The following CLSTN2 variants were observed in gnomAD, a reference collection of about 807,000 sequenced individuals.
The protein encoded by CLSTN2 is calsyntenin 2.
CLSTN2 carries 48 observed loss-of-function variants against 101.2 expected under a neutral mutation model. The observed-to-expected ratio is 0.47, with a 90% CI of 0.38 to 0.60. The LOEUF is 0.60. CLSTN2 is among the 20% of genes least tolerant of loss of function. The pLI, the probability that CLSTN2 is intolerant of heterozygous loss-of-function variation, is 0.00. For synonymous variants in CLSTN2, 481 were observed against 463.6 expected (o/e 1.04, Z -0.48); for missense variants, 1,160 against 1,238.2 (o/e 0.94, Z 0.95).
Position 140,130,201 on chromosome 3 carries a change from C to T in CLSTN2, c.110-45750C>T, listed in dbSNP as rs142378126. 6.4e-3 allele frequency among the ~76,000 whole-genome samples: 969 copies of T among 152,236 alleles called. 6 individuals carry two copies. The highest frequency in any genetic ancestry group is 0.022 in the African/African-American group (911 of 41,536). On this transcript the variant is annotated intron_variant, in intron 1 of 16. Coordinates refer to ENST00000458420, the MANE Select transcript of CLSTN2 (RefSeq NM_022131.3). ...GTGAGGCTCTAGCTTCATTCTGCAC[C>T]GTGTGAATTTGGAAAGTTCCATGAC...
intron 2 of CLSTN2, among the ~76,000 whole-genome samples, chr3:140,316,167 G>C (rs1380445431): frequency 6.6e-6 from 1 of 152,160 alleles, no homozygotes; most frequent in Non-Finnish European, 1.5e-5. Flanking sequence ...GCTGGGGATA[G>C]ATAGATTAGC....
intron 1 of CLSTN2, among the ~76,000 whole-genome samples, chr3:140,047,863 C>T (rs998335642): frequency 1.3e-5 from 2 of 152,210 alleles, no homozygotes; most frequent in Non-Finnish European, 2.9e-5. Flanking sequence ...AAGGCCTCAC[C>T]TCTCAATGCT....
At chr3:140,335,708 C>T (rs1267176486) in intron 2 of CLSTN2, among the ~76,000 whole-genome samples, 2 of 152,224 alleles carry the variant, frequency 1.3e-5, no homozygotes, top group Non-Finnish European at 2.9e-5. Flanking sequence ...CAAGTACTTA[C>T]AAAGATCTTT....
intron 8 of CLSTN2, among the ~76,000 whole-genome samples, chr3:140,530,212 C>G (rs1326511763): frequency 6.6e-6 from 1 of 152,160 alleles, no homozygotes; most frequent in African/African-American, 2.4e-5. Flanking sequence ...TATTACACAG[C>G]TACTTAAAAT....
In CLSTN2 at chr3:140,533,698, G is replaced by A. The variant is rs1044058426; in HGVS notation, c.1507+1212G>A. Among the ~76,000 whole-genome samples, 15 of 131,072 alleles carry A rather than the reference G, an allele frequency of 1.1e-4. No individual in the cohort carries two copies. In the Admixed American group the frequency reaches 1.2e-3, roughly 11 times the overall value. 86.0% of individuals were successfully genotyped at this position (131,072 alleles called of 152,430 possible). A position where few individuals can be genotyped will look rare whatever the true frequency, so the allele number is the denominator to read the frequency against. ...TGCACTCCAGCCTGGGCAATGGAAC[G>A]AGACTCCATCTCAAAAAAAAAAAAA... On this transcript the variant is annotated intron_variant, in intron 9 of 16. Transcript: ENST00000458420.
rs115296381 is a variant in CLSTN2 at position 140,282,795 on chromosome 3, A to G, written c.232+106722A>G. Among the ~76,000 whole-genome samples the G allele has an allele frequency of 4.3e-3, 656 of 152,276 alleles. 5 individuals are homozygous for G. Among genetic ancestry groups the G allele is most frequent in the African/African-American group, 0.015 (618 of 41,560 alleles). ...AGGTCTCAATTCAAAAATGACTCAG[A>G]TTTCTCTCACTGTGCTGTTGTACAG... On this transcript the variant is annotated intron_variant, in intron 2 of 16. Transcript: ENST00000458420.
intron 2 of CLSTN2, among the ~76,000 whole-genome samples, chr3:140,379,718 A>G (rs1320033755): frequency 6.6e-6 from 1 of 152,206 alleles, no homozygotes; most frequent in Admixed American, 6.5e-5. Context: ...TATGTTTGCC[A>G]TATCCGTAGG....
At chr3:140,505,235 T>C (rs1356672179) in intron 8 of CLSTN2, among the ~76,000 whole-genome samples, 1 of 152,182 alleles carries the variant, frequency 6.6e-6, no homozygotes, top group African/African-American at 2.4e-5. Flanking sequence ...AGAGCAATGA[T>C]GTGATGTTCA....
chr3:140,091,879 T>C (rs1316920674), intron 1 of CLSTN2, among the ~76,000 whole-genome samples: 2 of 152,224 alleles, frequency 1.3e-5, no homozygotes, highest in Non-Finnish European at 2.9e-5. Flanking sequence ...TTGCTTTGTC[T>C]AATTTTCTCC....
At chr3:140,024,264 G>T (rs947847870) in intron 1 of CLSTN2, among the ~76,000 whole-genome samples, 52 of 152,156 alleles carry the variant, frequency 3.4e-4, no homozygotes, top group African/African-American at 1.2e-3. Context: ...TCTGAGTATG[G>T]AGGTGGCAGT....
rs866605205 is a variant in CLSTN2 at position 140,404,865 on chromosome 3, T to C, written c.637+99T>C. 5 of 975,790 alleles carry C rather than the reference T, an allele frequency of 5.1e-6. No individual in the cohort carries two copies. In the Middle Eastern group the frequency reaches 1.1e-3, roughly 214 times the overall value. 60.4% of individuals were successfully genotyped at this position (975,790 alleles called of 1,614,324 possible). A position where few individuals can be genotyped will look rare whatever the true frequency, so the allele number is the denominator to read the frequency against. On this transcript the variant is annotated intron_variant, in intron 4 of 16. Transcript: ENST00000458420. ...GGCTCTGAATATGCTTGGCAAGTTA[T>C]GCCTTTCTTGCCATGTTTGGTCTAA...
intron 2 of CLSTN2, among the ~76,000 whole-genome samples, chr3:140,210,958 T>G (rs907335897): frequency 1.3e-5 from 2 of 152,164 alleles, no homozygotes; most frequent in Non-Finnish European, 2.9e-5. Flanking sequence ...CCAGCAAGTA[T>G]TCCATCAACA....
chr3:140,135,859 A>AC (rs1410369400), intron 1 of CLSTN2, among the ~76,000 whole-genome samples: 3 of 152,118 alleles, frequency 2.0e-5, no homozygotes, highest in Admixed American at 1.3e-4. Flanking sequence ...AAATCTTGTA[A>AC]CCCCAAACTA....
chr3:139,949,484 T>G (rs1935259561), intron 1 of CLSTN2, among the ~76,000 whole-genome samples: 1 of 152,154 alleles, frequency 6.6e-6, no homozygotes, highest in South Asian at 2.1e-4. Flanking sequence ...TACTGGTTAT[T>G]GCTGGCATGA....
At chr3:140,561,794 C>A (rs904481300) in intron 12 of CLSTN2, among the ~76,000 whole-genome samples, 1 of 152,148 alleles carries the variant, frequency 6.6e-6, no homozygotes, top group African/African-American at 2.4e-5. Flanking sequence ...CTGTTTTCAA[C>A]CATCCCAAGA....
chr3:139,974,141 G>A (rs897471346), intron 1 of CLSTN2, among the ~76,000 whole-genome samples: 1 of 152,182 alleles, frequency 6.6e-6, no homozygotes, highest in Admixed American at 6.5e-5. Flanking sequence ...TTTGCAGTTC[G>A]ACCCAAGCCC....
chr3:140,229,669 C>G (rs2086353744), intron 2 of CLSTN2, among the ~76,000 whole-genome samples: 1 of 152,032 alleles, frequency 6.6e-6, no homozygotes, highest in Non-Finnish European at 1.5e-5. Context: ...GAAAGCTGCT[C>G]TGCTCACTCT....
chr3:140,422,254 T>C (rs959384240), intron 5 of CLSTN2, among the ~76,000 whole-genome samples: 2 of 151,966 alleles, frequency 1.3e-5, no homozygotes, highest in Non-Finnish European at 2.9e-5. Flanking sequence ...CCAGAAAGAG[T>C]TGGTGTTAAT....
intron 2 of CLSTN2, among the ~76,000 whole-genome samples, chr3:140,390,171 T>C (rs1174084848): frequency 6.6e-6 from 1 of 152,204 alleles, no homozygotes; most frequent in East Asian, 1.9e-4. Context: ...TTACTTACTT[T>C]AGGTTTACTT....
Sources: allele counts gnomAD v4.1 joint callset (sites outside exome capture counted in the v4.1 genomes callset), GRCh38; gene constraint gnomAD v4.1.1; transcripts MANE v1.5; gene names NCBI Gene and HGNC (gene_info 2026-07-23, HGNC 2026-07-21).